The following TMEM108 variants were observed in gnomAD, a reference collection of about 807,000 sequenced individuals.
TMEM108 encodes the protein cancer/testis antigen 124.
TMEM108 carries 12 observed loss-of-function variants against 35.1 expected under a neutral mutation model. That is an observed-to-expected ratio of 0.34 (90% confidence interval 0.22 to 0.55). TMEM108 has a LOEUF of 0.55. TMEM108 is among the 20% of genes least tolerant of loss of function. The probability of loss-of-function intolerance (pLI) is 0.89; values close to 1 mark genes in which losing one functional copy is unlikely to be tolerated. For synonymous variants in TMEM108, 287 were observed against 308.6 expected (o/e 0.93, Z 0.73); for missense variants, 680 against 753.3 (o/e 0.90, Z 1.14).
chr3:133,092,011 A>G (rs1461649820), intron 2 of TMEM108, among the ~76,000 whole-genome samples: 2 of 152,186 alleles, frequency 1.3e-5, no homozygotes, highest in East Asian at 3.8e-4. Flanking sequence ...TGAGTCTATA[A>G]AGTATGATGA....
chr3:133,369,388 C>T (rs946585890), intron 3 of TMEM108, among the ~76,000 whole-genome samples: 1 of 152,182 alleles, frequency 6.6e-6, no homozygotes, highest in African/African-American at 2.4e-5. Flanking sequence ...TCGTATGTGG[C>T]TTCCACATTT....
chr3:133,252,768 T>C (rs1241947924), intron 3 of TMEM108, among the ~76,000 whole-genome samples: 1 of 152,150 alleles, frequency 6.6e-6, no homozygotes, highest in African/African-American at 2.4e-5. Flanking sequence ...ATCTGTAAAG[T>C]GGGAGGCTTA....
At chr3:133,050,315 T>A (rs974773032) in intron 2 of TMEM108, among the ~76,000 whole-genome samples, 2 of 152,126 alleles carry the variant, frequency 1.3e-5, no homozygotes, top group African/African-American at 4.8e-5. Flanking sequence ...TCTTTCTTTC[T>A]CTCTTTAAAA....
At chr3:133,285,591 G>T (rs1037304361) in intron 3 of TMEM108, among the ~76,000 whole-genome samples, 6 of 152,106 alleles carry the variant, frequency 3.9e-5, no homozygotes, top group African/African-American at 1.2e-4. Flanking sequence ...CCTACCACTT[G>T]CTAAAAGCTA....
intron 2 of TMEM108, among the ~76,000 whole-genome samples, chr3:133,207,190 C>A (rs1010359346): frequency 6.6e-6 from 1 of 152,138 alleles, no homozygotes; most frequent in African/African-American, 2.4e-5. Flanking sequence ...TGGAATGCAC[C>A]GTTCCTCAGG....
At chr3:133,125,757 C>CAG (rs1944407172) in intron 2 of TMEM108, among the ~76,000 whole-genome samples, 1 of 152,108 alleles carries the variant, frequency 6.6e-6, no homozygotes, top group Admixed American at 6.5e-5. Context: ...GATTCATGTT[C>CAG]AGAGGGTATT....
At chr3:133,159,430 C>G (rs147493908) in intron 2 of TMEM108, among the ~76,000 whole-genome samples, 4 of 152,280 alleles carry the variant, frequency 2.6e-5, no homozygotes, top group African/African-American at 7.2e-5. Flanking sequence ...AACTTACTTT[C>G]CTCCGTTCAC....
intron 3 of TMEM108, chr3:133,253,325 C>G (rs1044221511): frequency 3.3e-5 from 5 of 152,162 alleles, no homozygotes; most frequent in African/African-American, 4.8e-5. Context: ...TTCTGGACCT[C>G]AGTTTACCCA....
At chr3:133,249,304 C>A (rs74794220) in intron 3 of TMEM108, among the ~76,000 whole-genome samples, 1 of 152,288 alleles carries the variant, frequency 6.6e-6, no homozygotes, top group East Asian at 1.9e-4. Context: ...TATTAGGCTG[C>A]ATCAGTGCAG....
chr3:133,300,345 GA>G (rs753951726), intron 3 of TMEM108, among the ~76,000 whole-genome samples: 6 of 152,162 alleles, frequency 3.9e-5, no homozygotes, highest in Non-Finnish European at 8.8e-5. Flanking sequence ...ACAAAGAGGG[GA>G]ATTGAGGATG....
intron 2 of TMEM108, among the ~76,000 whole-genome samples, chr3:133,228,743 G>C (rs748630046): frequency 6.6e-6 from 1 of 152,038 alleles, no homozygotes; most frequent in Admixed American, 6.5e-5. Context: ...ATATTTTCTT[G>C]TTTATTTTTA....
At chr3:133,229,558 A>G (rs113436539) in intron 3 of TMEM108, among the ~76,000 whole-genome samples, 2,282 of 152,286 alleles carry the variant, frequency 0.015, 73 homozygotes, top group African/African-American at 0.051. Context: ...AGTTTTTCCT[A>G]AATTCCAAAG....
intron 2 of TMEM108, among the ~76,000 whole-genome samples, chr3:133,213,019 C>A (rs1233322310): frequency 6.6e-6 from 1 of 152,068 alleles, no homozygotes; most frequent in African/African-American, 2.4e-5. Context: ...CATTATAACC[C>A]AAACCCAGCC....
chr3:133,233,114 T>G (rs1029498664), intron 3 of TMEM108, among the ~76,000 whole-genome samples: 6 of 151,212 alleles, frequency 4.0e-5, no homozygotes, highest in Non-Finnish European at 1.5e-5. Flanking sequence ...TATGTATACA[T>G]GTGCCATGCT....
chr3:133,055,834 A>G (rs1249658307), intron 2 of TMEM108, among the ~76,000 whole-genome samples: 1 of 152,222 alleles, frequency 6.6e-6, no homozygotes, highest in Non-Finnish European at 1.5e-5. Context: ...CCTGACTATC[A>G]AAAGCTGTTT....
chr3:133,179,797 A>G (rs1219474597), intron 2 of TMEM108, among the ~76,000 whole-genome samples: 2 of 151,662 alleles, frequency 1.3e-5, no homozygotes, highest in Non-Finnish European at 2.9e-5. Context: ...CGTAAAACTT[A>G]AAGTATAATA....
intron 2 of TMEM108, among the ~76,000 whole-genome samples, chr3:133,054,651 A>T (rs188988284): frequency 6.6e-6 from 1 of 152,296 alleles, no homozygotes; most frequent in East Asian, 1.9e-4. Flanking sequence ...CATTTGAGCC[A>T]GTGATTGAGT....
At chr3:133,174,242 C>T (rs557366995) in intron 2 of TMEM108, among the ~76,000 whole-genome samples, 24 of 152,366 alleles carry the variant, frequency 1.6e-4, no homozygotes, top group African/African-American at 3.1e-4. Flanking sequence ...GTAGACTCCA[C>T]GTCTGGGGAC....
intron 3 of TMEM108, among the ~76,000 whole-genome samples, chr3:133,270,526 C>T (rs1946755055): frequency 6.6e-6 from 1 of 152,150 alleles, no homozygotes; most frequent in South Asian, 2.1e-4. Flanking sequence ...TTTCTCCTAA[C>T]CCTGTGTCCT....
Sources: allele counts gnomAD v4.1 joint callset (sites outside exome capture counted in the v4.1 genomes callset), GRCh38; gene constraint gnomAD v4.1.1; transcripts MANE v1.5; gene names NCBI Gene and HGNC (gene_info 2026-07-23, HGNC 2026-07-21).